The following GARNL3 variants were observed in gnomAD, a reference collection of about 807,000 sequenced individuals.
GARNL3 encodes GTPase-activating Rap/Ran-GAP domain-like protein 3.
In GARNL3, 63 loss-of-function variants were observed where a neutral mutation model predicts 125.0. That is an observed-to-expected ratio of 0.50 (90% CI 0.41 to 0.62). GARNL3 has a LOEUF of 0.62. Among genes scored for constraint, GARNL3 ranks in the 20% least tolerant of loss-of-function variants. The pLI is 0.00. For synonymous variants in GARNL3, 439 were observed against 457.5 expected, an observed-to-expected ratio of 0.96 and a Z score of 0.52; for missense variants, 994 against 1,244.0, an observed-to-expected ratio of 0.80 and a Z score of 3.02.
At chr9:127,372,042 C>T (rs1214126967) in intron 22 of GARNL3, among the ~76,000 whole-genome samples, 20 of 152,214 alleles carry the variant, frequency 1.3e-4, no homozygotes, top group African/African-American at 4.8e-4. Flanking sequence ...AAATGATTCT[C>T]CTGCGTCAGC....
At chr9:127,387,136 G>A (rs1197692741) in intron 24 of GARNL3, 57 bp from the exon 25 acceptor site, 12 of 1,561,590 alleles carry the variant, frequency 7.7e-6, no homozygotes, top group East Asian at 2.3e-5. Context: ...AGGAGGGCCA[G>A]TGGATGCAAG....
intron 3 of GARNL3, 185 bp from the exon 4 acceptor site, chr9:127,313,256 G>A (rs2065142390): frequency 6.7e-6 from 4 of 594,144 alleles, no homozygotes; most frequent in Non-Finnish European, 1.2e-5. Flanking sequence ...TCCTGAACCA[G>A]TCACTAGCAA....
At chr9:127,267,889 A>C (rs948535911) in intron 1 of GARNL3, among the ~76,000 whole-genome samples, 1 of 152,234 alleles carries the variant, frequency 6.6e-6, no homozygotes, top group Admixed American at 6.5e-5. Context: ...TTTTAGCATG[A>C]ACTTCTCCTG....
chr9:127,275,459 A>T (rs2063930185), intron 1 of GARNL3, among the ~76,000 whole-genome samples: 1 of 152,230 alleles, frequency 6.6e-6, no homozygotes, highest in Non-Finnish European at 1.5e-5. Context: ...TTGAGGCTTC[A>T]TCAAAGTCTC....
intron 1 of GARNL3, among the ~76,000 whole-genome samples, chr9:127,289,169 AATTT>A (rs1366307920): frequency 6.6e-6 from 1 of 152,080 alleles, no homozygotes; most frequent in Non-Finnish European, 1.5e-5. Context: ...ATGATATCTA[AATTT>A]ATCTTTCTCT....
intron 7 of GARNL3, among the ~76,000 whole-genome samples, chr9:127,331,566 G>A (rs1443196205): frequency 6.6e-6 from 1 of 151,528 alleles, no homozygotes; most frequent in Non-Finnish European, 1.5e-5. Flanking sequence ...TTGAGTCCCT[G>A]TTTACGCCTC....
At chr9:127,291,050 G>A (rs1411467390) in intron 1 of GARNL3, 118 bp from the exon 2 acceptor site, 2 of 970,576 alleles carry the variant, frequency 2.1e-6, no homozygotes, top group Non-Finnish European at 3.1e-6. Flanking sequence ...AAAACTGTTA[G>A]CTTCTAGGCT....
At chr9:127,346,908 G>A (rs547522695) in intron 16 of GARNL3, among the ~76,000 whole-genome samples, 1 of 152,274 alleles carries the variant, frequency 6.6e-6, no homozygotes, top group Non-Finnish European at 1.5e-5. Flanking sequence ...ATGAAAGCCT[G>A]GAGACCACAT....
chr9:127,278,342 G>A (rs920989865), intron 1 of GARNL3, among the ~76,000 whole-genome samples: 4 of 152,152 alleles, frequency 2.6e-5, no homozygotes, highest in Admixed American at 2.0e-4. Flanking sequence ...GCATAAAGTT[G>A]TCTTCCATAA....
chr9:127,386,990 T>G (rs917109553), intron 24 of GARNL3: 42 of 440,942 alleles, frequency 9.5e-5, no homozygotes, highest in South Asian at 2.1e-4. Flanking sequence ...TGGCGGGGAG[T>G]GGAATACTCA....
At chr9:127,277,560 C>T (rs774936252) in intron 1 of GARNL3, among the ~76,000 whole-genome samples, 1 of 151,660 alleles carries the variant, frequency 6.6e-6, no homozygotes, top group Non-Finnish European at 1.5e-5. Flanking sequence ...AACAGCAAAC[C>T]TTCAGCATCT....
chr9:127,239,173 C>G (rs1037262181), intron 1 of GARNL3, among the ~76,000 whole-genome samples: 1 of 152,220 alleles, frequency 6.6e-6, no homozygotes, highest in African/African-American at 2.4e-5. Flanking sequence ...TTTCCCCTGA[C>G]TTGTAGTCTT....
chr9:127,369,563 C>T (rs1196266025), intron 22 of GARNL3, among the ~76,000 whole-genome samples: 3 of 152,212 alleles, frequency 2.0e-5, no homozygotes, highest in Admixed American at 6.5e-5. Context: ...CCACCTGTGC[C>T]CCTGCCAGAG....
intron 1 of GARNL3, among the ~76,000 whole-genome samples, chr9:127,241,855 C>T (rs1226668556): frequency 2.0e-5 from 3 of 152,168 alleles, no homozygotes; most frequent in African/African-American, 7.2e-5. Flanking sequence ...GCAACCTCTA[C>T]CTCCTGGGTT....
chr9:127,320,853 A>C (rs2065377218), intron 6 of GARNL3, 75 bp downstream of exon 6: 1 of 1,014,594 alleles, frequency 9.9e-7, no homozygotes, highest in Non-Finnish European at 1.5e-6. Flanking sequence ...AGGTCATCAT[A>C]ATCCTTATCC....
At chr9:127,329,648 A>AG (rs1410960503) in intron 7 of GARNL3, among the ~76,000 whole-genome samples, 3 of 152,022 alleles carry the variant, frequency 2.0e-5, no homozygotes, top group African/African-American at 7.2e-5. Flanking sequence ...AGGTGGTAGT[A>AG]GGCCCCATCT....
intron 2 of GARNL3, among the ~76,000 whole-genome samples, chr9:127,251,743 C>T (rs1368443006): frequency 6.6e-6 from 1 of 152,110 alleles, no homozygotes; most frequent in Admixed American, 6.6e-5. Context: ...TGAAAGGGAT[C>T]AGAATATGCC....
At chr9:127,323,834 G>A (rs1226992894) in intron 6 of GARNL3, among the ~76,000 whole-genome samples, 3 of 152,304 alleles carry the variant, frequency 2.0e-5, no homozygotes, top group African/African-American at 7.2e-5. Flanking sequence ...ACCACAAGGT[G>A]TTGAGGAAGA....
chr9:127,335,417 C>T, intron 10 of GARNL3, 84 bp downstream of exon 10: 1 of 1,102,946 alleles, frequency 9.1e-7, no homozygotes, highest in Non-Finnish European at 1.4e-6. Flanking sequence ...AGGGGCTATG[C>T]CGGTTAACAT....
Sources: allele counts gnomAD v4.1 joint callset (sites outside exome capture counted in the v4.1 genomes callset), GRCh38; gene constraint gnomAD v4.1.1; transcripts MANE v1.5; gene names NCBI Gene and HGNC (gene_info 2026-07-23, HGNC 2026-07-21).